The following TAF5 variants were observed in gnomAD, a reference collection of about 807,000 sequenced individuals.
The protein encoded by TAF5 is transcription initiation factor TFIID subunit 5.
TAF5 carries 20 observed loss-of-function variants against 80.9 expected under a neutral mutation model. That is an observed-to-expected ratio of 0.25 (90% CI 0.17 to 0.36). The LOEUF (loss-of-function observed/expected upper bound fraction) is 0.36. Ranked by LOEUF, TAF5 falls within the 10% of genes least tolerant of loss-of-function variation. The pLI, the probability that TAF5 is intolerant of heterozygous loss-of-function variation, is 1.00. For missense variants in TAF5, 863 were observed against 1,029.4 expected, an observed-to-expected ratio of 0.84 and a Z score of 2.21; for synonymous variants, 388 against 406.4, an observed-to-expected ratio of 0.95 and a Z score of 0.55.
At chr10:103,382,584 C>A (rs2093385339) in intron 6 of TAF5, among the ~76,000 whole-genome samples, 3 of 151,668 alleles carry the variant, frequency 2.0e-5, no homozygotes. Flanking sequence ...TTTTTACTAA[C>A]TATATTATTT....
At chr10:103,385,224 C>T in intron 7 of TAF5, 102 bp from the exon 8 acceptor site, 1 of 875,402 alleles carries the variant, frequency 1.1e-6, no homozygotes. Context: ...TTAATATAGT[C>T]AAATATATAT....
At chr10:103,382,679 A>C in intron 6 of TAF5, among the ~76,000 whole-genome samples, 1 of 149,112 alleles carries the variant, frequency 6.7e-6, no homozygotes. Context: ...ATGGGGTCTC[A>C]CTCTGTTGCC....
chr10:103,372,323 C>T (rs185267500), intron 1 of TAF5, among the ~76,000 whole-genome samples: 1 of 150,030 alleles, frequency 6.7e-6, no homozygotes, highest in East Asian at 2.0e-4. Flanking sequence ...AAGATTATGG[C>T]TGGGCGCGGT....
chr10:103,368,740 T>G (rs1365741026), intron 1 of TAF5, among the ~76,000 whole-genome samples, 192 bp downstream of exon 1: 2 of 152,078 alleles, frequency 1.3e-5, no homozygotes, highest in African/African-American at 4.8e-5. Context: ...TCAGTTCCAG[T>G]GAGAAGCTGA....
At chr10:103,379,019 G>T (rs1013327600) in intron 3 of TAF5, among the ~76,000 whole-genome samples, 3 of 152,168 alleles carry the variant, frequency 2.0e-5, no homozygotes, top group African/African-American at 7.2e-5. Context: ...ATGTTTATAT[G>T]TGACAATTTG....
chr10:103,372,612 G>A (rs1441879459), intron 1 of TAF5, among the ~76,000 whole-genome samples: 1 of 150,712 alleles, frequency 6.6e-6, no homozygotes, highest in Non-Finnish European at 1.5e-5. Flanking sequence ...GGGATTACAG[G>A]CGGGAGCCAC....
intron 1 of TAF5, 145 bp downstream of exon 1, chr10:103,368,693 G>A (rs2093351717): frequency 4.4e-6 from 5 of 1,149,364 alleles, no homozygotes; most frequent in Non-Finnish European, 5.8e-6. Context: ...CCTTTCTCTA[G>A]TGCGCGGGCT....
chr10:103,385,237 A>T, intron 7 of TAF5, 89 bp from the exon 8 acceptor site: 1 of 1,026,142 alleles, frequency 9.7e-7, no homozygotes, highest in Non-Finnish European at 1.4e-6. Context: ...ATATATATAA[A>T]ATATTAAATG....
In TAF5 at chr10:103,383,270, G is replaced by A. The variant is rs2093387432; in HGVS notation, c.1567G>A (p.Val523Ile). Residue 523 changes from valine to isoleucine, a missense_variant, in exon 7 of 11, where the codon GTC becomes ATC. By Grantham distance (29) the Val-to-Ile change is conservative. Around this residue, in one of 3 missense-constraint regions of TAF5, gnomAD observed 368 missense variants for 461.7 expected, o/e 0.80. Coordinates refer to ENST00000369839, the MANE Select transcript of TAF5 (RefSeq NM_006951.5). ...TCTTATAGACAAAGAATCAGATGAT[G>A]TCTTAGAAAGAATCATGGATGAGAA... ...LSLIDKESDD[V>I]LERIMDEKTA... is the part of the protein sequence containing the mutation. 6.2e-7 allele frequency: 1 copy of A among 1,601,312 alleles called. No homozygotes were observed. The highest frequency in any genetic ancestry group is 8.5e-7 in the Non-Finnish European group (1 of 1,176,438).
At chr10:103,382,991 C>CT (rs1426433066) in intron 6 of TAF5, among the ~76,000 whole-genome samples, 1 of 152,170 alleles carries the variant, frequency 6.6e-6, no homozygotes, top group African/African-American at 2.4e-5. Flanking sequence ...GTGGGCAAAA[C>CT]TGAGTTTCAG....
At chr10:103,380,538 T>C (rs2093380311) in intron 5 of TAF5, among the ~76,000 whole-genome samples, 1 of 152,226 alleles carries the variant, frequency 6.6e-6, no homozygotes, top group Non-Finnish European at 1.5e-5. Context: ...ATCAGAATTC[T>C]GCTAGCCTTT....
chr10:103,368,127 C>T lies in TAF5; in HGVS notation c.138C>T (p.Gly46=), dbSNP rs2093349361. The change falls in exon 1 of 11, where the codon GGC becomes GGT. Residue 46 remains glycine, a synonymous_variant. Transcript: ENST00000369839. ...SGGTTNNGPN[G]GGGNVAASSS... ...GCACTACCAACAACGGCCCCAACGG[C>T]GGCGGCGGGAACGTTGCGGCGTCGT... The T allele has an allele frequency of 7.1e-7, 1 of 1,400,230 alleles. No homozygotes were observed. The highest frequency in any genetic ancestry group is 1.5e-5 in the African/African-American group (1 of 66,004). The allele number at this position is 1,400,230 out of a possible 1,614,324, so 86.7% of individuals were successfully genotyped here. A position where few individuals can be genotyped will look rare whatever the true frequency, so the allele number is the denominator to read the frequency against.
In TAF5 at chr10:103,368,434, A is replaced by C; in HGVS notation, c.445A>C (p.Ser149Arg). Reference sequence around the variant, plus strand: ...CGCTGAGGTGACCAGCGCGCTTCTCAGCCGGGTGACCGCCTCGGCCCCTGG... The same window carrying C: ...CGCTGAGGTGACCAGCGCGCTTCTCCGCCGGGTGACCGCCTCGGCCCCTGG... Reference protein sequence around the residue: ...AGAEVTSALLSRVTASAPGPA... With the variant: ...AGAEVTSALLRRVTASAPGPA... The change falls in exon 1 of 11, where the codon AGC (serine) becomes CGC (arginine). Residue 149 changes from serine (S) to arginine (R), a missense_variant. Ser to Arg is a moderately radical substitution (Grantham distance 110, BLOSUM62 -1). Coordinates refer to ENST00000369839, the MANE Select transcript of TAF5 (RefSeq NM_006951.5). The C allele has an allele frequency of 6.3e-7, 1 of 1,579,754 alleles. No individual in the cohort carries two copies. Among genetic ancestry groups the C allele is most frequent in the Non-Finnish European group, 8.5e-7 (1 of 1,172,284 alleles).
At chr10:103,381,893 CTTGA>C (rs765831347) in intron 6 of TAF5, 52 bp downstream of exon 6, 16 of 1,605,530 alleles carry the variant, frequency 1.0e-5, no homozygotes, top group Middle Eastern at 1.7e-4. Context: ...CTATACCAAT[CTTGA>C]TTCCATGGAA....
At chr10:103,370,610 A>T (rs1188913909) in intron 1 of TAF5, among the ~76,000 whole-genome samples, 1 of 151,866 alleles carries the variant, frequency 6.6e-6, no homozygotes, top group Non-Finnish European at 1.5e-5. Context: ...TACAGGCGTG[A>T]GCCACCGTGC....
Position 103,378,886 on chromosome 10 carries a change from C to G in TAF5, c.1113+336C>G, listed in dbSNP as rs879559778. Among the ~76,000 whole-genome samples, 9 of 152,186 alleles carry G rather than the reference C, an allele frequency of 5.9e-5. No individual in the cohort carries two copies. Among genetic ancestry groups the G allele is most frequent in the Non-Finnish European group, 1.0e-4 (7 of 68,036 alleles). On this transcript the variant is annotated intron_variant, in intron 3 of 10. Coordinates refer to ENST00000369839, the MANE Select transcript of TAF5 (RefSeq NM_006951.5). The surrounding 1 kb of genome is among the most constrained non-coding windows in gnomAD (Gnocchi z 4.1). ...TGTTGGCCAGGCTGGTCTCGAACTC[C>G]TGACCTCAGATGATCCACCCGACTC...
Position 103,389,022 on chromosome 10 carries a change from T to G in TAF5, c.*799T>G, listed in dbSNP as rs1191896771. Reference sequence around the variant, plus strand: ...GCATTTTGTACAGTTTTTATATTTTTGATATCTTGTAAATAAAGACAACCA... The same window carrying G: ...GCATTTTGTACAGTTTTTATATTTTGGATATCTTGTAAATAAAGACAACCA... On this transcript the variant is annotated 3_prime_UTR_variant, in exon 11 of 11. Transcript: ENST00000369839. The G allele has an allele frequency of 6.5e-6, 1 of 152,674 alleles. No homozygotes were observed. The highest frequency in any genetic ancestry group is 1.5e-5 in the Non-Finnish European group (1 of 68,048). The allele number at this position is 152,674 out of a possible 1,614,324, so 9.5% of individuals were successfully genotyped here.
intron 5 of TAF5, among the ~76,000 whole-genome samples, chr10:103,380,593 G>C (rs2093380439): frequency 6.6e-6 from 1 of 151,964 alleles, no homozygotes. Flanking sequence ...CTTGGTTTAA[G>C]TACTTACGTA....
Position 103,385,323 on chromosome 10 carries a change from C to T in TAF5, c.1665-3C>T, listed in dbSNP as rs1265291329. On this transcript the variant is annotated splice_polypyrimidine_tract_variant and splice_region_variant and intron_variant, in intron 7 of 10. Transcript: ENST00000369839. ...TCAAATATATCACCTTCTCTTCTCT[C>T]AGGAACTATCTGCTTTCCTCTTCAG... is the stretch of plus-strand genomic sequence containing the variant. 9 of 1,603,626 alleles carry T rather than the reference C, an allele frequency of 5.6e-6. No individual in the cohort carries two copies. Among genetic ancestry groups the T allele is most frequent in the Non-Finnish European group, 7.7e-6 (9 of 1,171,686 alleles).
Sources: gnomAD v4.1 joint callset for allele counts (sites outside exome capture counted in the v4.1 genomes callset) on GRCh38, gnomAD v4.1.1 for gene constraint, gnomAD v4.1.1 regional missense constraint, Gnocchi (gnomAD v3.1) non-coding constraint, MANE v1.5 for transcripts, NCBI Gene and HGNC (gene_info 2026-07-23, HGNC 2026-07-21) for gene names.